The following RPS6KC1 variants were observed in gnomAD, a reference collection of about 807,000 sequenced individuals.
RPS6KC1 encodes the protein ribosomal protein S6 kinase C1, also known as inactive ribosomal protein S6 kinase delta-1.
Under a neutral mutation model 103.8 loss-of-function variants are expected in RPS6KC1, and 54 were observed. The observed-to-expected ratio is 0.52, with a 90% confidence interval of 0.42 to 0.65. RPS6KC1 has a LOEUF of 0.65. RPS6KC1 is among the 30% of genes least tolerant of loss of function. The pLI is 0.00. For missense variants in RPS6KC1, 1,151 were observed against 1,253.8 expected (o/e 0.92, Z 1.24); for synonymous variants, 439 against 438.7 (o/e 1.00, Z -0.01).
At position 213,117,331 on chromosome 1, in the gene RPS6KC1, T is replaced by G. The variant is rs763607331; in HGVS notation, c.393T>G (p.Asn131Lys). Residue 131 changes from asparagine to lysine, a missense_variant, in exon 5 of 15, where the codon AAT (asparagine) becomes AAG (lysine). Transcript: ENST00000366960. ...TATCTCTTTAGGGTGGAATAATTAA[T>G]GATAGTTCTGAATTAATTGGTCCTG... ...LEDFFKGGII[N>K]DSSELIGPAE... 1.4e-5 allele frequency: 23 copies of G among 1,601,904 alleles called. No homozygotes were observed. Among genetic ancestry groups the G allele is most frequent in the Non-Finnish European group, 1.8e-5 (21 of 1,169,746 alleles).
chr1:213,577,087 T>G, the RPS6KC1 span, among the ~76,000 whole-genome samples: 1 of 152,190 alleles, frequency 6.6e-6, no homozygotes, highest in Non-Finnish European at 1.5e-5. Context: ...ATTGTAGATC[T>G]CATAATCCCT....
At chr1:213,444,038 A>G in the RPS6KC1 span, among the ~76,000 whole-genome samples, 2 of 152,232 alleles carry the variant, frequency 1.3e-5, no homozygotes, top group African/African-American at 2.4e-5. Flanking sequence ...TCAAGGAGCC[A>G]GCAGGGTGGT....
At position 213,232,112 on chromosome 1, in the gene RPS6KC1, T is replaced by C. The variant is rs759327575; in HGVS notation, c.1093-11T>C. 4.0e-5 allele frequency: 64 copies of C among 1,613,300 alleles called. No homozygotes were observed. Among genetic ancestry groups the C allele is most frequent in the Non-Finnish European group, 4.9e-5 (58 of 1,179,674 alleles). On this transcript the variant is annotated splice_polypyrimidine_tract_variant and intron_variant, in intron 9 of 14. Transcript: ENST00000366960. ...ACTGAGGATACAACTGACCTTTTTG[T>C]TCTCTGTCAGGGTCTAAGGAAAAGC...
intron 8 of RPS6KC1, among the ~76,000 whole-genome samples, chr1:213,205,700 T>C (rs1206309913): frequency 6.6e-6 from 1 of 151,280 alleles, no homozygotes. Flanking sequence ...CATATATTTT[T>C]GACATAAATT....
rs144929190 is a variant in RPS6KC1, at chr1:213,129,826, G to A, written c.772G>A (p.Asp258Asn). Residue 258 changes from aspartate (D) to asparagine (N), a missense_variant, in exon 6 of 15, where the codon GAC becomes AAC. This residue lies in a region of RPS6KC1 where 959 missense variants were observed against 1,006.3 expected (regional missense o/e 0.95). Coordinates refer to ENST00000366960, the MANE Select transcript of RPS6KC1 (RefSeq NM_012424.6). Reference sequence around the variant, plus strand: ...GGCTTTAAAAAAGGAAGAAGAAGACGACTATGAAGCTGCTTCTGATTTTTA... The same window carrying A: ...GGCTTTAAAAAAGGAAGAAGAAGACAACTATGAAGCTGCTTCTGATTTTTA... ...KLALKKEEED[D>N]YEAASDFYRK... 9 of 1,612,672 alleles carry A rather than the reference G, an allele frequency of 5.6e-6. No homozygotes were observed. The highest frequency in any genetic ancestry group is 1.6e-4 in the Middle Eastern group (1 of 6,074).
intron 8 of RPS6KC1, among the ~76,000 whole-genome samples, chr1:213,187,595 T>C (rs1020715965): frequency 2.0e-5 from 3 of 152,108 alleles, no homozygotes; most frequent in African/African-American, 7.2e-5. Flanking sequence ...TGCTTTTGTA[T>C]GTTATCTTGG....
intron 6 of RPS6KC1, among the ~76,000 whole-genome samples, chr1:213,144,460 C>T (rs1276272070): frequency 1.3e-5 from 2 of 151,892 alleles, no homozygotes; most frequent in African/African-American, 4.8e-5. Context: ...ACTATGTTGC[C>T]TAGGCTGGTC....
chr1:213,285,623 G>C, the RPS6KC1 span, among the ~76,000 whole-genome samples: 1 of 152,152 alleles, frequency 6.6e-6, no homozygotes, highest in Non-Finnish European at 1.5e-5. Flanking sequence ...ATATGCAAAC[G>C]ATTTGCAATG....
At chr1:213,535,232 G>A in the RPS6KC1 span, among the ~76,000 whole-genome samples, 1 of 152,336 alleles carries the variant, frequency 6.6e-6, no homozygotes, top group East Asian at 1.9e-4. Flanking sequence ...ACAATAAGAT[G>A]AGTGGAGCAG....
chr1:213,200,630 A>G (rs2093127464), intron 8 of RPS6KC1, among the ~76,000 whole-genome samples: 1 of 152,246 alleles, frequency 6.6e-6, no homozygotes, highest in African/African-American at 2.4e-5. Context: ...AAAATTGACA[A>G]ATGGGATCTA....
intron 8 of RPS6KC1, among the ~76,000 whole-genome samples, chr1:213,184,617 A>T (rs997130457): frequency 6.6e-6 from 1 of 152,006 alleles, no homozygotes; most frequent in African/African-American, 2.4e-5. Flanking sequence ...TTTTAAAAAA[A>T]TTGGGCATTT....
the RPS6KC1 span, among the ~76,000 whole-genome samples, chr1:213,513,030 A>G: frequency 2.0e-5 from 3 of 152,206 alleles, no homozygotes; most frequent in African/African-American, 7.2e-5. Context: ...GTTACATGGC[A>G]AAAGGGACTT....
the RPS6KC1 span, among the ~76,000 whole-genome samples, chr1:213,413,971 A>C: frequency 6.6e-6 from 1 of 152,234 alleles, no homozygotes; most frequent in Admixed American, 6.5e-5. Context: ...CTCCGAGGAT[A>C]AAAGCCAGGA....
the RPS6KC1 span, among the ~76,000 whole-genome samples, chr1:213,331,418 G>A: frequency 1.3e-5 from 2 of 152,234 alleles, no homozygotes; most frequent in East Asian, 1.9e-4. Flanking sequence ...GTATTGGATG[G>A]TGGGGTCAAA....
the RPS6KC1 span, among the ~76,000 whole-genome samples, chr1:213,616,230 C>T: frequency 8.5e-5 from 13 of 152,282 alleles, no homozygotes; most frequent in East Asian, 3.9e-4. Context: ...GCAAATGCTG[C>T]GCTAAGTGGG....
At chr1:213,847,343 G>T in the RPS6KC1 span, among the ~76,000 whole-genome samples, 1 of 152,088 alleles carries the variant, frequency 6.6e-6, no homozygotes, top group East Asian at 1.9e-4. Flanking sequence ...AAAGACCCAG[G>T]AGGTTGCTTG....
At chr1:213,122,462 C>G (rs1285344835) in intron 5 of RPS6KC1, among the ~76,000 whole-genome samples, 1 of 152,044 alleles carries the variant, frequency 6.6e-6, no homozygotes, top group Non-Finnish European at 1.5e-5. Flanking sequence ...GAGGCAAGAT[C>G]ATTTTAAATA....
the RPS6KC1 span, among the ~76,000 whole-genome samples, chr1:213,711,185 T>G: frequency 8.9e-4 from 136 of 151,994 alleles, 1 homozygote; most frequent in African/African-American, 3.1e-3. Flanking sequence ...TTCACTACAT[T>G]TCTTGGAGGC....
intron 8 of RPS6KC1, among the ~76,000 whole-genome samples, chr1:213,182,687 A>G (rs993559791): frequency 2.7e-5 from 4 of 150,930 alleles, no homozygotes; most frequent in Non-Finnish European, 4.4e-5. Flanking sequence ...ATATGACCCA[A>G]CTTTATGGTG....
Sources: gnomAD v4.1 joint callset for allele counts (sites outside exome capture counted in the v4.1 genomes callset) on GRCh38, gnomAD v4.1.1 for gene constraint, gnomAD v4.1.1 regional missense constraint, MANE v1.5 for transcripts, NCBI Gene and HGNC (gene_info 2026-07-23, HGNC 2026-07-21) for gene names.